FOXN3: variants seen among roughly 807,000 people sequenced by gnomAD.
FOXN3 encodes forkhead box protein N3.
A neutral mutation model predicts 38.4 loss-of-function variants in FOXN3; 7 were observed. That is an observed-to-expected ratio of 0.18 (90% CI 0.10 to 0.34). FOXN3 has a LOEUF of 0.34. FOXN3 is among the 10% of genes least tolerant of loss of function. The probability of loss-of-function intolerance (pLI) is 1.00; values close to 1 mark genes in which losing one functional copy is unlikely to be tolerated. For synonymous variants in FOXN3, 230 were observed against 242.2 expected, an observed-to-expected ratio of 0.95 and a Z score of 0.47; for missense variants, 456 against 613.4, an observed-to-expected ratio of 0.74 and a Z score of 2.71.
At chr14:89,565,093 CAAAAAAA>C (rs59821937) in intron 1 of FOXN3, among the ~76,000 whole-genome samples, 1 of 52,898 alleles carries the variant, frequency 1.9e-5, no homozygotes, top group Non-Finnish European at 3.6e-5. Context: ...GAGCTCGTCT[CAAAAAAA>C]AAAAAAAAAA....
At chr14:89,352,444 A>G (rs1299760031) in intron 2 of FOXN3, among the ~76,000 whole-genome samples, 3 of 152,118 alleles carry the variant, frequency 2.0e-5, no homozygotes, top group Non-Finnish European at 4.4e-5. Context: ...GTTTGGGGGG[A>G]AAGACAGGAG....
intron 4 of FOXN3, among the ~76,000 whole-genome samples, chr14:89,253,099 C>A (rs770282836): frequency 1.3e-5 from 2 of 152,190 alleles, no homozygotes; most frequent in Non-Finnish European, 2.9e-5. Context: ...GGTCAGCCTG[C>A]AGCCACCACA....
At chr14:89,240,188 T>A (rs141496093) in intron 4 of FOXN3, among the ~76,000 whole-genome samples, 1 of 151,872 alleles carries the variant, frequency 6.6e-6, no homozygotes, top group East Asian at 1.9e-4. Context: ...TCAGCAAACC[T>A]CCAATCAGAT....
chr14:89,429,852 A>G (rs569285602), intron 1 of FOXN3, among the ~76,000 whole-genome samples: 1 of 152,310 alleles, frequency 6.6e-6, no homozygotes, highest in Non-Finnish European at 1.5e-5. Flanking sequence ...CAAGACAAAC[A>G]GTAAAGTAAA....
At position 89,286,289 on chromosome 14, in the gene FOXN3, C is replaced by A. The variant is rs76795724; in HGVS notation, c.681-5275G>T. ...GAATGAAAGCCTAAAGTGCTTGGGG[C>A]GGGAAGAAAGGAAGAATATCTGAAT... is the stretch of plus-strand genomic sequence containing the variant. On this transcript the variant is annotated intron_variant, in intron 3 of 5. Coordinates refer to ENST00000557258, the MANE Select transcript of FOXN3 (RefSeq NM_005197.4). 4.4e-3 allele frequency among the ~76,000 whole-genome samples: 671 copies of A among 151,886 alleles called. 3 individuals are homozygous for A. Among genetic ancestry groups the A allele is most frequent in the Non-Finnish European group, 8.0e-3 (544 of 67,950 alleles).
chr14:89,373,077 G>C (rs1890369307), intron 2 of FOXN3, among the ~76,000 whole-genome samples: 1 of 151,980 alleles, frequency 6.6e-6, no homozygotes, highest in Non-Finnish European at 1.5e-5. Flanking sequence ...GAAGTGGGAT[G>C]ATCACTCAAG....
At chr14:89,167,829 T>C (rs1438573197) in intron 5 of FOXN3, among the ~76,000 whole-genome samples, 3 of 152,228 alleles carry the variant, frequency 2.0e-5, no homozygotes, top group Non-Finnish European at 2.9e-5. Context: ...CCAAAGTTTC[T>C]CTATAGCGAA....
intron 2 of FOXN3, among the ~76,000 whole-genome samples, chr14:89,387,920 T>C (rs993576318): frequency 6.6e-6 from 1 of 152,182 alleles, no homozygotes; most frequent in Non-Finnish European, 1.5e-5. Flanking sequence ...CAGTGGCTCA[T>C]GCCTGTAATC....
chr14:89,183,107 T>C (rs1472526081), intron 4 of FOXN3, among the ~76,000 whole-genome samples: 1 of 152,208 alleles, frequency 6.6e-6, no homozygotes, highest in African/African-American at 2.4e-5. Context: ...ATGAAATCTA[T>C]GTGTGTTGTC....
At position 89,270,915 on chromosome 14, in the gene FOXN3, G is replaced by A. The variant is rs1886134347; in HGVS notation, c.745+10035C>T. ...TGCCTGTGTGTCACGACTCACAAAG[G>A]CCAACAGGGGACCTGGGGAGAAAGA... On this transcript the variant is annotated intron_variant, in intron 4 of 5. Coordinates refer to ENST00000557258, the MANE Select transcript of FOXN3 (RefSeq NM_005197.4). 7.2e-5 allele frequency among the ~76,000 whole-genome samples: 11 copies of A among 152,278 alleles called. No homozygotes were observed. The South Asian group carries it at 2.3e-3, about 32-fold the overall frequency.
intron 1 of FOXN3, among the ~76,000 whole-genome samples, chr14:89,450,591 T>C (rs947676062): frequency 2.6e-5 from 1 of 38,990 alleles, no homozygotes; most frequent in Non-Finnish European, 5.4e-5. Context: ...TCATCTTTCC[T>C]TTTTTTTTTT....
At chr14:89,286,797 T>A (rs1436645961) in intron 3 of FOXN3, among the ~76,000 whole-genome samples, 1 of 152,118 alleles carries the variant, frequency 6.6e-6, no homozygotes, top group Non-Finnish European at 1.5e-5. Context: ...GACAGAGACG[T>A]GTGTGGGAAG....
At chr14:89,374,263 C>CAAAAAAAAAAA (rs35623770) in intron 2 of FOXN3, among the ~76,000 whole-genome samples, 3 of 48,176 alleles carry the variant, frequency 6.2e-5, no homozygotes, top group African/African-American at 2.4e-4. Context: ...GACCTTGTCT[C>CAAAAAAAAAAA]AAAAAAAAAA....
At chr14:89,424,452 A>G (rs1441839277) in intron 1 of FOXN3, among the ~76,000 whole-genome samples, 1 of 152,168 alleles carries the variant, frequency 6.6e-6, no homozygotes, top group Non-Finnish European at 1.5e-5. Flanking sequence ...CAAACATTAT[A>G]TCCTGTGTTA....
rs979833559 is a variant in FOXN3 at position 89,553,508 on chromosome 14, C to A, written c.-15+65520G>T. On this transcript the variant is annotated intron_variant, in intron 1 of 6. Coordinates refer to the FOXN3 transcript ENST00000345097. ...AGCAAAACTCAGGAGGTAAAAATGACCAAATACTAACTTTTAATTCCTGAT... is the reference window on the plus strand; with the variant it reads ...AGCAAAACTCAGGAGGTAAAAATGAACAAATACTAACTTTTAATTCCTGAT... 2.0e-5 allele frequency among the ~76,000 whole-genome samples: 3 copies of A among 150,898 alleles called. No individual in the cohort carries two copies. The East Asian group carries it at 5.8e-4, about 29-fold the overall frequency.
intron 2 of FOXN3, among the ~76,000 whole-genome samples, chr14:89,407,357 A>G (rs749001012): frequency 1.4e-4 from 21 of 152,244 alleles, no homozygotes; most frequent in Non-Finnish European, 2.9e-4. Flanking sequence ...CCACATTTGG[A>G]CCCTAATTCA....
intron 4 of FOXN3, among the ~76,000 whole-genome samples, chr14:89,254,609 T>A (rs1284494780): frequency 1.3e-5 from 2 of 152,120 alleles, no homozygotes; most frequent in Non-Finnish European, 2.9e-5. Context: ...GTAGTGGCAA[T>A]GAATTCAAAT....
intron 4 of FOXN3, among the ~76,000 whole-genome samples, chr14:89,277,969 T>C (rs1284882581): frequency 6.6e-6 from 1 of 152,168 alleles, no homozygotes; most frequent in East Asian, 1.9e-4. Context: ...TCTGCTTTTT[T>C]AAGGCCTTAA....
intron 1 of FOXN3, among the ~76,000 whole-genome samples, chr14:89,495,213 T>C (rs1893656006): frequency 6.6e-6 from 1 of 152,340 alleles, no homozygotes; most frequent in African/African-American, 2.4e-5. Flanking sequence ...CTGATGTGTT[T>C]CACTTGAATA....
Sources: gnomAD v4.1 joint callset for allele counts (sites outside exome capture counted in the v4.1 genomes callset) on GRCh38, gnomAD v4.1.1 for gene constraint, MANE v1.5 for transcripts, NCBI Gene and HGNC (gene_info 2026-07-23, HGNC 2026-07-21) for gene names.